The following AUTS2 variants were observed in gnomAD, a reference collection of about 807,000 sequenced individuals.
The protein encoded by AUTS2 is autism susceptibility gene 2 protein.
Under a neutral mutation model 112.4 loss-of-function variants are expected in AUTS2, and 17 were observed. The observed-to-expected ratio is 0.15, with a 90% CI of 0.10 to 0.23. AUTS2 has a LOEUF of 0.23. AUTS2 is among the 10% of genes least tolerant of loss of function. The pLI is 1.00. For missense variants in AUTS2, 1,510 were observed against 1,701.6 expected (o/e 0.89, Z 1.98); for synonymous variants, 751 against 702.7 (o/e 1.07, Z -1.09).
chr7:70,146,926 A>T (rs1807155469), intron 4 of AUTS2, among the ~76,000 whole-genome samples: 1 of 152,200 alleles, frequency 6.6e-6, no homozygotes, highest in African/African-American at 2.4e-5. Flanking sequence ...GCAGAGACAC[A>T]ATTTTATTAA....
intron 4 of AUTS2, among the ~76,000 whole-genome samples, chr7:70,370,011 G>C (rs920182945): frequency 6.6e-6 from 1 of 152,166 alleles, no homozygotes; most frequent in Non-Finnish European, 1.5e-5. Context: ...GCTATCAACA[G>C]GCAACATTTA....
At chr7:70,715,328 A>C (rs1020987817) in intron 6 of AUTS2, among the ~76,000 whole-genome samples, 2 of 152,180 alleles carry the variant, frequency 1.3e-5, no homozygotes, top group African/African-American at 4.8e-5. Context: ...ATATCTAAAA[A>C]TTAGAAAGGT....
intron 5 of AUTS2, among the ~76,000 whole-genome samples, chr7:70,520,639 T>C (rs1404793319): frequency 2.0e-5 from 3 of 152,314 alleles, no homozygotes; most frequent in Middle Eastern, 3.4e-3. Flanking sequence ...TCGCAGTACT[T>C]TCTGAGATTA....
chr7:70,030,735 C>A (rs1418556913), intron 2 of AUTS2, among the ~76,000 whole-genome samples: 3 of 152,044 alleles, frequency 2.0e-5, no homozygotes, highest in African/African-American at 7.2e-5. Flanking sequence ...AATAGTAAAA[C>A]GTTCATAGTT....
At chr7:70,195,365 G>A (rs1810118164) in intron 4 of AUTS2, among the ~76,000 whole-genome samples, 1 of 152,132 alleles carries the variant, frequency 6.6e-6, no homozygotes, top group Non-Finnish European at 1.5e-5. Context: ...TACTGAATCT[G>A]GACAGGCACG....
chr7:69,696,703 C>T (rs955616400), intron 1 of AUTS2, among the ~76,000 whole-genome samples: 1 of 152,180 alleles, frequency 6.6e-6, no homozygotes, highest in Non-Finnish European at 1.5e-5. Context: ...AAGAACCTGA[C>T]CTTCTTGTCA....
intron 2 of AUTS2, among the ~76,000 whole-genome samples, chr7:70,005,072 G>A (rs1029360607): frequency 1.3e-5 from 2 of 151,914 alleles, no homozygotes; most frequent in Non-Finnish European, 2.9e-5. Flanking sequence ...TGATTCACTC[G>A]CCTCAGCTTC....
chr7:69,852,468 C>G (rs1792528238), intron 1 of AUTS2, among the ~76,000 whole-genome samples: 1 of 151,752 alleles, frequency 6.6e-6, no homozygotes, highest in South Asian at 2.1e-4. Flanking sequence ...GAATCTCACT[C>G]TGGAGTGAGA....
At chr7:70,767,765 G>T (rs1486580014) in intron 9 of AUTS2, among the ~76,000 whole-genome samples, 1 of 152,216 alleles carries the variant, frequency 6.6e-6, no homozygotes, top group Non-Finnish European at 1.5e-5. Context: ...GTGCCAATCT[G>T]TAGAAAGAAA....
intron 1 of AUTS2, among the ~76,000 whole-genome samples, chr7:69,668,059 T>C (rs534651359): frequency 3.8e-5 from 4 of 105,828 alleles, no homozygotes; most frequent in Non-Finnish European, 6.0e-5. Flanking sequence ...AGGCAACAAA[T>C]GACTGTTTAA....
At chr7:69,714,132 C>G (rs1386016339) in intron 1 of AUTS2, among the ~76,000 whole-genome samples, 8 of 151,696 alleles carry the variant, frequency 5.3e-5, no homozygotes, top group Admixed American at 5.3e-4. Flanking sequence ...ATGATCACAG[C>G]TCACTGCAGC....
chr7:69,886,425 T>G (rs945893645), intron 1 of AUTS2, among the ~76,000 whole-genome samples: 7 of 152,218 alleles, frequency 4.6e-5, no homozygotes, highest in Non-Finnish European at 7.3e-5. Context: ...ATAAAAGGAC[T>G]GCCTCACATA....
intron 4 of AUTS2, among the ~76,000 whole-genome samples, chr7:70,320,050 T>C (rs1172672818): frequency 6.6e-6 from 1 of 152,228 alleles, no homozygotes. Context: ...ATTCAACCTC[T>C]ACATTGCTTT....
chr7:70,340,766 G>T (rs1791227311), intron 4 of AUTS2, among the ~76,000 whole-genome samples: 2 of 152,246 alleles, frequency 1.3e-5, no homozygotes, highest in Admixed American at 1.3e-4. Context: ...TCCATCGAGA[G>T]AAGTTTTGAC....
chr7:70,140,936 A>G (rs1360683505), intron 4 of AUTS2, among the ~76,000 whole-genome samples: 1 of 152,206 alleles, frequency 6.6e-6, no homozygotes, highest in Admixed American at 6.5e-5. Context: ...CTTAAGTTGC[A>G]TAACGTGTAA....
intron 5 of AUTS2, among the ~76,000 whole-genome samples, chr7:70,615,919 A>G (rs1736377233): frequency 6.6e-6 from 1 of 151,730 alleles, no homozygotes. Flanking sequence ...TCATTTTTAT[A>G]TTTTTCAGAG....
chr7:69,985,229 A>G (rs1197128060), intron 2 of AUTS2, among the ~76,000 whole-genome samples: 1 of 114,022 alleles, frequency 8.8e-6, no homozygotes, highest in Admixed American at 9.4e-5. Flanking sequence ...AGACTCTCTA[A>G]AAAAAAAAAA....
At chr7:70,091,406 T>G (rs1161684069) in intron 2 of AUTS2, among the ~76,000 whole-genome samples, 1 of 152,176 alleles carries the variant, frequency 6.6e-6, no homozygotes, top group Admixed American at 6.5e-5. Context: ...CTATTCTGAT[T>G]CTCCTCAGCT....
At chr7:70,588,697 G>A (rs374129360) in intron 5 of AUTS2, among the ~76,000 whole-genome samples, 31 of 152,134 alleles carry the variant, frequency 2.0e-4, no homozygotes, top group African/African-American at 4.3e-4. Flanking sequence ...ACTTGTAGCC[G>A]TTTTTAAACT....
Sources: gnomAD v4.1 joint callset for allele counts (sites outside exome capture counted in the v4.1 genomes callset) on GRCh38, gnomAD v4.1.1 for gene constraint, MANE v1.5 for transcripts, NCBI Gene and HGNC (gene_info 2026-07-23, HGNC 2026-07-21) for gene names.